PDZRN4: variants seen among roughly 807,000 people sequenced by gnomAD.
PDZRN4 encodes the protein PDZ domain containing ring finger 4.
In PDZRN4, 70 loss-of-function variants were observed where a neutral mutation model predicts 99.0. The observed-to-expected ratio is 0.71, with a 90% CI of 0.58 to 0.86. The LOEUF is 0.86. Among genes scored for constraint, PDZRN4 ranks in the 40% least tolerant of loss-of-function variants. The pLI is 0.00. For synonymous variants in PDZRN4, 551 were observed against 501.6 expected (o/e 1.10, Z -1.32); for missense variants, 1,474 against 1,331.2 (o/e 1.11, Z -1.67).
intron 5 of PDZRN4, among the ~76,000 whole-genome samples, chr12:41,542,360 A>T (rs540800152): frequency 1.7e-4 from 26 of 152,204 alleles, no homozygotes; most frequent in Non-Finnish European, 3.7e-4. Flanking sequence ...TAAATTTGCT[A>T]TAGACACTAA....
intron 3 of PDZRN4, among the ~76,000 whole-genome samples, chr12:41,256,286 C>T (rs1951203899): frequency 6.6e-6 from 1 of 151,874 alleles, no homozygotes; most frequent in South Asian, 2.1e-4. Flanking sequence ...TTTCTAAGGT[C>T]CAACTATCTC....
intron 5 of PDZRN4, among the ~76,000 whole-genome samples, chr12:41,526,323 C>T (rs991620180): frequency 6.6e-6 from 1 of 152,170 alleles, no homozygotes; most frequent in African/African-American, 2.4e-5. Context: ...ACCCCTTCAT[C>T]CCATTTGTCT....
intron 3 of PDZRN4, among the ~76,000 whole-genome samples, chr12:41,212,508 T>A (rs1487228885): frequency 6.6e-6 from 1 of 152,066 alleles, no homozygotes; most frequent in African/African-American, 2.4e-5. Flanking sequence ...TGATAACTTC[T>A]GTGAAGAGTA....
chr12:41,291,605 A>T (rs887994626), intron 3 of PDZRN4, among the ~76,000 whole-genome samples: 3 of 152,174 alleles, frequency 2.0e-5, no homozygotes, highest in African/African-American at 7.2e-5. Context: ...GCCCTTAAAC[A>T]CAGTAGGTGC....
At chr12:41,275,035 A>G (rs1225249309) in intron 3 of PDZRN4, among the ~76,000 whole-genome samples, 2 of 152,126 alleles carry the variant, frequency 1.3e-5, no homozygotes, top group African/African-American at 4.8e-5. Flanking sequence ...TGTAGTCCAG[A>G]TGCTACAGGG....
At chr12:41,406,748 C>G (rs1952353375) in intron 3 of PDZRN4, among the ~76,000 whole-genome samples, 1 of 151,116 alleles carries the variant, frequency 6.6e-6, no homozygotes, top group Admixed American at 6.6e-5. Context: ...ATCCCAGCTT[C>G]TCGGGAGGCT....
intron 3 of PDZRN4, among the ~76,000 whole-genome samples, chr12:41,198,827 T>C (rs540239868): frequency 6.6e-6 from 1 of 152,122 alleles, no homozygotes; most frequent in Non-Finnish European, 1.5e-5. Context: ...TTCCATTAAG[T>C]GCTGTTTATT....
chr12:41,461,188 T>C (rs1952870292), intron 3 of PDZRN4, among the ~76,000 whole-genome samples: 1 of 147,806 alleles, frequency 6.8e-6, no homozygotes, highest in South Asian at 2.2e-4. Context: ...ACCATTGTGC[T>C]GCATGAGTAT....
At chr12:41,358,437 A>T (rs965281276) in intron 3 of PDZRN4, among the ~76,000 whole-genome samples, 1 of 151,980 alleles carries the variant, frequency 6.6e-6, no homozygotes, top group African/African-American at 2.4e-5. Flanking sequence ...GAAATTTTCA[A>T]TGTGTCAAGA....
intron 3 of PDZRN4, among the ~76,000 whole-genome samples, chr12:41,298,377 T>A (rs1025007226): frequency 6.6e-5 from 10 of 152,216 alleles, no homozygotes; most frequent in African/African-American, 2.4e-4. Flanking sequence ...TCTGGTTGAA[T>A]AATCCTGCAT....
intron 3 of PDZRN4, among the ~76,000 whole-genome samples, chr12:41,460,736 C>G (rs1952864797): frequency 6.6e-6 from 1 of 152,130 alleles, no homozygotes; most frequent in South Asian, 2.1e-4. Context: ...GAGAGTAGTC[C>G]TCTAATCCCC....
intron 3 of PDZRN4, among the ~76,000 whole-genome samples, chr12:41,386,029 GT>G (rs1952168332): frequency 6.6e-6 from 1 of 152,154 alleles, no homozygotes; most frequent in African/African-American, 2.4e-5. Flanking sequence ...ATCAGTAAAT[GT>G]GATTCCTCAC....
intron 3 of PDZRN4, among the ~76,000 whole-genome samples, chr12:41,431,837 G>A (rs1402101502): frequency 1.3e-5 from 2 of 152,164 alleles, no homozygotes; most frequent in Admixed American, 6.5e-5. Context: ...TAACCAAGGA[G>A]GGGATGACAC....
At position 41,253,532 on chromosome 12, in the gene PDZRN4, C is replaced by T. The variant is rs115254020; in HGVS notation, c.843+59344C>T. Among the ~76,000 whole-genome samples, 1,123 of 152,258 alleles carry T rather than the reference C, an allele frequency of 7.4e-3. 11 individuals are homozygous for T. Among genetic ancestry groups the T allele is most frequent in the African/African-American group, 0.026 (1,083 of 41,560 alleles). ...TGTGGAGAAAGGGGAACCCCCATTA[C>T]TGTTACTGGGAATGTAAATTAGTAA... On this transcript the variant is annotated intron_variant, in intron 3 of 9. Transcript: ENST00000402685.
intron 3 of PDZRN4, among the ~76,000 whole-genome samples, chr12:41,226,007 T>A (rs1950991800): frequency 6.6e-6 from 1 of 152,152 alleles, no homozygotes; most frequent in South Asian, 2.1e-4. Context: ...GTCAACAATT[T>A]ACCCATTCTG....
chr12:41,488,423 G>C (rs1286089815), intron 3 of PDZRN4, among the ~76,000 whole-genome samples: 2 of 152,184 alleles, frequency 1.3e-5, no homozygotes, highest in Non-Finnish European at 2.9e-5. Flanking sequence ...TAGAAGATAA[G>C]ATCTATGTGG....
At chr12:41,256,420 A>G (rs1356857332) in intron 3 of PDZRN4, among the ~76,000 whole-genome samples, 1 of 152,210 alleles carries the variant, frequency 6.6e-6, no homozygotes, top group Non-Finnish European at 1.5e-5. Flanking sequence ...CTCTGAGATT[A>G]TGTCTCCATT....
At chr12:41,353,859 T>G (rs759164430) in intron 3 of PDZRN4, among the ~76,000 whole-genome samples, 1 of 152,098 alleles carries the variant, frequency 6.6e-6, no homozygotes, top group African/African-American at 2.4e-5. Flanking sequence ...AGTGCAAGAG[T>G]TTAGGATGAG....
intron 3 of PDZRN4, chr12:41,460,189 T>G: frequency 6.7e-6 from 5 of 750,222 alleles, no homozygotes; most frequent in Non-Finnish European, 7.3e-6. Context: ...CAAGAGTTTA[T>G]TCCTATATTG....
Sources: allele counts gnomAD v4.1 joint callset (sites outside exome capture counted in the v4.1 genomes callset), GRCh38; gene constraint gnomAD v4.1.1; transcripts MANE v1.5; gene names NCBI Gene and HGNC (gene_info 2026-07-23, HGNC 2026-07-21).